MAP4K5: variants seen among roughly 807,000 people sequenced by gnomAD.
The protein encoded by MAP4K5 is MAPK/ERK kinase kinase kinase 5.
In MAP4K5, 82 loss-of-function variants were observed where a neutral mutation model predicts 135.6. The observed-to-expected ratio is 0.60, with a 90% confidence interval of 0.51 to 0.73. The LOEUF (loss-of-function observed/expected upper bound fraction) is 0.73. MAP4K5 is among the 30% of genes least tolerant of loss of function. The pLI is 0.00. For missense variants in MAP4K5, 907 were observed against 1,010.9 expected (o/e 0.90, Z 1.39); for synonymous variants, 347 against 335.0 (o/e 1.04, Z -0.39).
At chr14:50,468,806 C>A in intron 9 of MAP4K5, 24 bp from the exon 10 acceptor site, 2 of 1,588,554 alleles carry the variant, frequency 1.3e-6, no homozygotes, top group Non-Finnish European at 1.7e-6. Flanking sequence ...ATGAATACAA[C>A]ATTTTTGTTG....
Position 50,428,715 on chromosome 14 carries a change from G to T in MAP4K5, c.2273C>A (p.Ser758Ter). 2 of 1,511,498 alleles carry T rather than the reference G, an allele frequency of 1.3e-6. No homozygotes were observed. The highest frequency in any genetic ancestry group is 1.8e-6 in the Non-Finnish European group (2 of 1,130,570). 93.6% of individuals were successfully genotyped at this position (1,511,498 alleles called of 1,614,324 possible). The change falls in exon 30 of 33, where the codon TCA (serine) becomes TAA (stop). Residue 758 changes from serine to a stop codon, truncating the protein, a stop_gained. Transcript: ENST00000682126. LOFTEE classifies it high-confidence loss of function. ...TAACTCAGAGGCCAGTTTCTTACTTGATTTTAATTTTCCTTGTAGATTTAC... is the reference window on the plus strand; with the variant it reads ...TAACTCAGAGGCCAGTTTCTTACTTTATTTTAATTTTCCTTGTAGATTTAC... ...KIVNLQGKLK[S>*]SKKLASELSF... is the part of the protein sequence containing the mutation.
chr14:50,466,342 A>G (rs2036832721), intron 11 of MAP4K5, among the ~76,000 whole-genome samples: 1 of 145,584 alleles, frequency 6.9e-6, no homozygotes, highest in Non-Finnish European at 1.5e-5. Flanking sequence ...TGATCATGAC[A>G]CTGCACTCCA....
chr14:50,505,362 C>T (rs932198285), intron 2 of MAP4K5, among the ~76,000 whole-genome samples: 1 of 152,032 alleles, frequency 6.6e-6, no homozygotes, highest in African/African-American at 2.4e-5. Flanking sequence ...ACAAATGCTG[C>T]CTGATTTTCC....
intron 3 of MAP4K5, among the ~76,000 whole-genome samples, chr14:50,498,794 C>T (rs1448968588): frequency 6.6e-6 from 1 of 152,106 alleles, no homozygotes; most frequent in Non-Finnish European, 1.5e-5. Flanking sequence ...TTTTCTAAGT[C>T]ACACTGGCAA....
chr14:50,543,823 C>G (rs938205436), intron 1 of MAP4K5, among the ~76,000 whole-genome samples: 1 of 152,136 alleles, frequency 6.6e-6, no homozygotes, highest in Non-Finnish European at 1.5e-5. Context: ...AACTTTGTCT[C>G]TATTATATTG....
chr14:50,501,580 A>G lies in MAP4K5; in HGVS notation c.166+3220T>C, dbSNP rs1595519500. 3.3e-5 allele frequency among the ~76,000 whole-genome samples: 5 copies of G among 152,314 alleles called. No homozygotes were observed. The South Asian group carries it at 1.0e-3, about 32-fold the overall frequency. ...AGTCAAATATAATTTTTTACAAGAG[A>G]AACATCAACAACCTAGAAAGGATAA... On this transcript the variant is annotated intron_variant, in intron 3 of 32. Transcript: ENST00000682126.
intron 2 of MAP4K5, among the ~76,000 whole-genome samples, chr14:50,525,924 A>G (rs1237571292): frequency 6.6e-6 from 1 of 152,222 alleles, no homozygotes; most frequent in Non-Finnish European, 1.5e-5. Context: ...GTTTCCTGCC[A>G]GAAAATAGCC....
chr14:50,445,561 G>T (rs776499871), intron 17 of MAP4K5, among the ~76,000 whole-genome samples: 2 of 151,920 alleles, frequency 1.3e-5, no homozygotes, highest in Non-Finnish European at 2.9e-5. Flanking sequence ...ACCTGTTTTT[G>T]CCTTTTTCTT....
At chr14:50,464,786 C>T (rs1471963417) in intron 11 of MAP4K5, among the ~76,000 whole-genome samples, 1 of 152,144 alleles carries the variant, frequency 6.6e-6, no homozygotes, top group African/African-American at 2.4e-5. Flanking sequence ...CAATGACAAC[C>T]ACCACACAGC....
At chr14:50,550,065 T>A (rs750337136) in intron 1 of MAP4K5, among the ~76,000 whole-genome samples, 1 of 152,144 alleles carries the variant, frequency 6.6e-6, no homozygotes, top group Admixed American at 6.5e-5. Flanking sequence ...GGAGGGTGAA[T>A]GAAGGCTGCT....
chr14:50,425,600 G>A (rs959542059), intron 31 of MAP4K5, among the ~76,000 whole-genome samples: 1 of 151,924 alleles, frequency 6.6e-6, no homozygotes, highest in African/African-American at 2.4e-5. Flanking sequence ...TATAGATTAT[G>A]GAAAACACTT....
chr14:50,490,147 G>A (rs1210556576), intron 3 of MAP4K5, among the ~76,000 whole-genome samples: 2 of 145,704 alleles, frequency 1.4e-5, no homozygotes, highest in African/African-American at 2.6e-5. Flanking sequence ...GTGTGTGTGT[G>A]TGTGTGTGTG....
chr14:50,475,508 C>T (rs2037076203), intron 8 of MAP4K5, among the ~76,000 whole-genome samples: 1 of 151,674 alleles, frequency 6.6e-6, no homozygotes, highest in African/African-American at 2.4e-5. Context: ...GGATAGCATT[C>T]TGGTACTATT....
intron 14 of MAP4K5, chr14:50,449,766 G>T (rs903616648): frequency 6.6e-6 from 1 of 151,964 alleles, no homozygotes; most frequent in Non-Finnish European, 1.5e-5. Flanking sequence ...ATGACTTAAC[G>T]TAATTAAAAA....
rs1467073290 is a variant in MAP4K5 at position 50,544,959 on chromosome 14, AAAAG to A, written c.-179-2379_-179-2376del. On this transcript the variant is annotated intron_variant, in intron 1 of 8. Coordinates refer to the MAP4K5 transcript ENST00000555216. ...CTCAAAAAAAAAAAAAAAAAAAAAA[AAAAG>A]AAGCCAACTATAATGTAACAGGTCC... 2.0e-4 allele frequency among the ~76,000 whole-genome samples: 30 copies of A among 151,020 alleles called. No individual in the cohort carries two copies. The East Asian group carries it at 5.1e-3, about 26-fold the overall frequency.
intron 14 of MAP4K5, chr14:50,449,188 C>T (rs1259668948): frequency 3.4e-5 from 6 of 175,476 alleles, no homozygotes; most frequent in Non-Finnish European, 7.1e-5. Context: ...TAAGCTACAG[C>T]TTCATGGCAG....
In MAP4K5 at chr14:50,476,139, T is replaced by C. The variant is rs758063043; in HGVS notation, c.458A>G (p.Asp153Gly). ...GANILLTDHGDVKLADFGVAA... is the reference protein window; with the variant it reads ...GANILLTDHGGVKLADFGVAA... The stretch of plus-strand genomic sequence containing the variant: ...TTGAAATAACATACCTAATTTTACA[T>C]CGCCATGGTCTGTCAATAAAATATT... Residue 153 changes from aspartate (D) to glycine (G), a missense_variant, in exon 8 of 33, where the codon GAT (aspartate) becomes GGT (glycine). This residue lies in a region of MAP4K5 where 21 missense variants were observed against 44.2 expected (regional missense o/e 0.47). Transcript: ENST00000682126. 1.3e-6 allele frequency: 2 copies of C among 1,486,794 alleles called. No homozygotes were observed. The highest frequency in any genetic ancestry group is 5.1e-5 in the East Asian group (2 of 39,238). The allele number at this position is 1,486,794 out of a possible 1,614,324, so 92.1% of individuals were successfully genotyped here.
chr14:50,528,470 C>A (rs1311977150), intron 2 of MAP4K5, among the ~76,000 whole-genome samples: 6 of 150,964 alleles, frequency 4.0e-5, no homozygotes, highest in Non-Finnish European at 8.8e-5. Context: ...TTAATCCCAG[C>A]CCTTTGGGAG....
chr14:50,479,636 TTGTC>T (rs1340787899), intron 6 of MAP4K5, among the ~76,000 whole-genome samples: 1 of 152,200 alleles, frequency 6.6e-6, no homozygotes, highest in Non-Finnish European at 1.5e-5. Flanking sequence ...TTTAATGTTT[TTGTC>T]TGCTAATTCT....
Sources: allele counts gnomAD v4.1 joint callset (sites outside exome capture counted in the v4.1 genomes callset), GRCh38; gene constraint gnomAD v4.1.1; regional missense constraint gnomAD v4.1.1; transcripts MANE v1.5; gene names NCBI Gene and HGNC (gene_info 2026-07-23, HGNC 2026-07-21).